The following FAM98A variants were observed in gnomAD, a reference collection of about 807,000 sequenced individuals.
The protein encoded by FAM98A is tRNA splicing ligase complex subunit 3A.
FAM98A carries 25 observed loss-of-function variants against 62.9 expected under a neutral mutation model. That is an observed-to-expected ratio of 0.40 (90% CI 0.29 to 0.56). The LOEUF (loss-of-function observed/expected upper bound fraction) is 0.56. FAM98A is among the 20% of genes least tolerant of loss of function. The probability of loss-of-function intolerance (pLI) is 0.51; values close to 1 mark genes in which losing one functional copy is unlikely to be tolerated. For synonymous variants in FAM98A, 252 were observed against 228.6 expected (o/e 1.10, Z -0.92); for missense variants, 653 against 640.7 (o/e 1.02, Z -0.21).
At position 33,588,407 on chromosome 2, in the gene FAM98A, A is replaced by G. The variant is rs1362745417; in HGVS notation, c.450T>C (p.Cys150=). The G allele has an allele frequency of 1.2e-6, 2 of 1,613,818 alleles. No individual in the cohort carries two copies. The highest frequency in any genetic ancestry group is 1.3e-5 in the African/African-American group (1 of 75,028). ...GAGGTTTGGACATTCCTAGAGCAATACATATGCCTTTCAACTCTTGAAAGA... is the reference window on the plus strand; with the variant it reads ...GAGGTTTGGACATTCCTAGAGCAATGCATATGCCTTTCAACTCTTGAAAGA... The part of the protein sequence containing the change: ...SEVFQELKGI[C]IALGMSKPPA... Residue 150 remains cysteine, a synonymous_variant, in exon 4 of 8, where the codon TGT becomes TGC. Transcript: ENST00000238823.
intron 4 of FAM98A, chr2:33,587,777 C>A: frequency 6.0e-6 from 1 of 167,122 alleles, no homozygotes; most frequent in South Asian, 1.4e-4. Context: ...GTTAAAATTG[C>A]TTGTTCCTAA....
intron 1 of FAM98A, among the ~76,000 whole-genome samples, chr2:33,596,516 A>G (rs1176218496): frequency 6.6e-6 from 1 of 152,238 alleles, no homozygotes. Flanking sequence ...TCTTAAATAC[A>G]TATTATTCAG....
At chr2:33,586,875 A>G (rs745826153) in intron 5 of FAM98A, 197 bp from the exon 6 acceptor site, 31 of 569,496 alleles carry the variant, frequency 5.4e-5, no homozygotes, top group Non-Finnish European at 7.8e-5. Flanking sequence ...CATAATGAAG[A>G]GTATGTGAAG....
chr2:33,585,203 T>C lies in FAM98A; in HGVS notation c.1130A>G (p.Asn377Ser), dbSNP rs772093703. 5.6e-6 allele frequency: 9 copies of C among 1,613,878 alleles called. No homozygotes were observed. The highest frequency in any genetic ancestry group is 5.5e-5 in the South Asian group (5 of 91,060). ...ATCTGTCCAGCCTCCTTGATGCTTA[T>C]TTCCTCTTCCTCCCCCTCGGCCACC... is the stretch of plus-strand genomic sequence containing the variant. ...DHGGRGGGRGNKHQGGWTDGG... is the reference protein window; with the variant it reads ...DHGGRGGGRGSKHQGGWTDGG... The change falls in exon 8 of 8, where the codon AAT (asparagine) becomes AGT (serine). Residue 377 changes from asparagine to serine, a missense_variant. Asn to Ser is a conservative substitution (Grantham distance 46, BLOSUM62 1). Coordinates refer to ENST00000238823, the MANE Select transcript of FAM98A (RefSeq NM_015475.5).
At position 33,588,409 on chromosome 2, in the gene FAM98A, A is replaced by G; in HGVS notation, c.448T>C (p.Cys150Arg). The G allele has an allele frequency of 6.2e-7, 1 of 1,613,796 alleles. No individual in the cohort carries two copies. Among genetic ancestry groups the G allele is most frequent in the Non-Finnish European group, 8.5e-7 (1 of 1,179,740 alleles). Residue 150 changes from cysteine (C) to arginine (R), a missense_variant, in exon 4 of 8, where the codon TGT (cysteine) becomes CGT (arginine). Coordinates refer to ENST00000238823, the MANE Select transcript of FAM98A (RefSeq NM_015475.5). Reference sequence around the variant, plus strand: ...GGTTTGGACATTCCTAGAGCAATACATATGCCTTTCAACTCTTGAAAGACC... The same window carrying G: ...GGTTTGGACATTCCTAGAGCAATACGTATGCCTTTCAACTCTTGAAAGACC... ...SEVFQELKGI[C>R]IALGMSKPPA...
At chr2:33,595,676 T>C in intron 1 of FAM98A, 39 bp from the exon 2 acceptor site, 1 of 1,494,728 alleles carries the variant, frequency 6.7e-7, no homozygotes, top group Admixed American at 2.3e-5. Flanking sequence ...GAAAATACAA[T>C]CATACCTAAT....
At chr2:33,594,816 G>C (rs922008001) in intron 2 of FAM98A, among the ~76,000 whole-genome samples, 2 of 152,062 alleles carry the variant, frequency 1.3e-5, no homozygotes, top group Non-Finnish European at 2.9e-5. Flanking sequence ...GGGTTAACAG[G>C]TGAGTATTTT....
At chr2:33,598,811 A>G (rs1295062532) in intron 1 of FAM98A, among the ~76,000 whole-genome samples, 4 of 152,086 alleles carry the variant, frequency 2.6e-5, no homozygotes, top group Non-Finnish European at 5.9e-5. Flanking sequence ...AACTTTGGCA[A>G]CCTTTAGAGT....
Position 33,592,189 on chromosome 2 carries a change from C to G in FAM98A, c.228G>C (p.Gln76His), listed in dbSNP as rs377286793. 16 of 1,612,308 alleles carry G rather than the reference C, an allele frequency of 9.9e-6. No homozygotes were observed. The highest frequency in any genetic ancestry group is 6.7e-5 in the East Asian group (3 of 44,868). The part of the protein sequence containing the change: ...TNSPSEAEEF[Q>H]LEVSGLLGEM... ...CCCCTAGTAGCCCACTCACCTCAAG[C>G]TGGAATTCTTCAGCTTCACTCGGAC... Residue 76 changes from glutamine (Q) to histidine (H), a missense_variant, in exon 3 of 8, where the codon CAG (glutamine) becomes CAC (histidine). By Grantham distance (24) the Gln-to-His change is conservative (BLOSUM62 0). Coordinates refer to ENST00000238823, the MANE Select transcript of FAM98A (RefSeq NM_015475.5).
chr2:33,597,369 A>G (rs1437470579), intron 1 of FAM98A, among the ~76,000 whole-genome samples: 1 of 152,182 alleles, frequency 6.6e-6, no homozygotes, highest in African/African-American at 2.4e-5. Flanking sequence ...TTTAATTCTA[A>G]TATTTCTCAG....
intron 5 of FAM98A, 106 bp downstream of exon 5, chr2:33,587,134 A>G: frequency 1.4e-6 from 1 of 711,268 alleles, no homozygotes; most frequent in Admixed American, 2.4e-5. Flanking sequence ...CTAGAAAACT[A>G]TGTATAAGAA....
intron 1 of FAM98A, 105 bp downstream of exon 1, chr2:33,599,064 C>T: frequency 3.2e-6 from 3 of 934,390 alleles, no homozygotes; most frequent in Non-Finnish European, 5.3e-6. Flanking sequence ...CCAGGAGCCA[C>T]GGGGTGCGGC....
chr2:33,585,756 C>T (rs1677534488), intron 6 of FAM98A, 59 bp from the exon 7 acceptor site: 2 of 1,478,418 alleles, frequency 1.4e-6, no homozygotes, highest in Non-Finnish European at 1.9e-6. Context: ...ATAAGAAACA[C>T]ATATTAAATA....
chr2:33,592,044 A>G lies in FAM98A; in HGVS notation c.337+36T>C, dbSNP rs1018264059. On this transcript the variant is annotated intron_variant, in intron 3 of 7. Coordinates refer to ENST00000238823, the MANE Select transcript of FAM98A (RefSeq NM_015475.5). ...TATTAGTCATGGAAAACATAAACAG[A>G]AAGTAATAGCTATATTCTAGTAGCC... 53 of 1,568,960 alleles carry G rather than the reference A, an allele frequency of 3.4e-5. No homozygotes were observed. The Admixed American group carries it at 9.6e-4, about 28-fold the overall frequency.
chr2:33,585,692 C>G lies in FAM98A; in HGVS notation c.726G>C (p.Gln242His). Reference sequence around the variant, plus strand: ...GGTAAACCTTGGCTAATTTTTCTGTCTGGCTCTGTTGAAAGAAAAGTGTTC... The same window carrying G: ...GGTAAACCTTGGCTAATTTTTCTGTGTGGCTCTGTTGAAAGAAAAGTGTTC... Reference protein sequence around the residue: ...SFGWSDRAKSQTEKLAKVYQP... With the variant: ...SFGWSDRAKSHTEKLAKVYQP... Residue 242 changes from glutamine to histidine, a missense_variant, in exon 7 of 8, where the codon CAG (glutamine) becomes CAC (histidine). Gln to His is a conservative substitution (Grantham distance 24). Coordinates refer to ENST00000238823, the MANE Select transcript of FAM98A (RefSeq NM_015475.5). 1 of 1,611,664 alleles carries G rather than the reference C, an allele frequency of 6.2e-7. No individual in the cohort carries two copies. The highest frequency in any genetic ancestry group is 8.5e-7 in the Non-Finnish European group (1 of 1,179,022).
At chr2:33,592,260 T>C (rs1677688255) in intron 2 of FAM98A, 46 bp from the exon 3 acceptor site, 2 of 1,417,770 alleles carry the variant, frequency 1.4e-6, no homozygotes, top group Non-Finnish European at 2.0e-6. Context: ...TGATTATTTT[T>C]CCATTAGCAT....
rs183544797 is a variant in FAM98A, at chr2:33,599,171, T to C, written c.51A>G (p.Leu17=). ...GACCCGTGCCCTGACAATCTTACCC[T>C]AGATCTTCCAACGACTCCAAGATGT... ...ETDILESLED[L]GYKGPLLEDG... Residue 17 remains leucine, a splice_region_variant and synonymous_variant, in exon 1 of 8, where the codon CTA becomes CTG. Coordinates refer to ENST00000238823, the MANE Select transcript of FAM98A (RefSeq NM_015475.5). 6.6e-4 allele frequency: 1,070 copies of C among 1,613,366 alleles called. 12 individuals are homozygous for C. The Middle Eastern group carries it at 8.9e-3, about 13-fold the overall frequency.
At position 33,592,192 on chromosome 2, in the gene FAM98A, G is replaced by C. The variant is rs1677686989; in HGVS notation, c.225C>G (p.Phe75Leu). The C allele has an allele frequency of 1.2e-6, 2 of 1,611,146 alleles. No individual in the cohort carries two copies. Among genetic ancestry groups the C allele is most frequent in the Non-Finnish European group, 1.7e-6 (2 of 1,178,062 alleles). ...ATNSPSEAEE[F>L]QLEVSGLLGE... ...CTAGTAGCCCACTCACCTCAAGCTG[G>C]AATTCTTCAGCTTCACTCGGACCTT... Residue 75 changes from phenylalanine (F) to leucine (L), a missense_variant, in exon 3 of 8, where the codon TTC becomes TTG. Coordinates refer to ENST00000238823, the MANE Select transcript of FAM98A (RefSeq NM_015475.5).
chr2:33,587,206 T>C lies in FAM98A; in HGVS notation c.603+34A>G, dbSNP rs531739698. On this transcript the variant is annotated intron_variant, in intron 5 of 7. Transcript: ENST00000238823. Reference sequence around the variant, plus strand: ...ATGAAAATCATAAACTCTATAGTTCTTTACAAAGTTTACTCAAGATGATTA... The same window carrying C: ...ATGAAAATCATAAACTCTATAGTTCCTTACAAAGTTTACTCAAGATGATTA... 5.5e-5 allele frequency: 72 copies of C among 1,311,748 alleles called. No individual in the cohort carries two copies. The South Asian group carries it at 7.9e-4, about 14-fold the overall frequency. The allele number at this position is 1,311,748 out of a possible 1,614,324, so 81.3% of individuals were successfully genotyped here. A position where few individuals can be genotyped will look rare whatever the true frequency, so the allele number is the denominator to read the frequency against.
Sources: allele counts gnomAD v4.1 joint callset (sites outside exome capture counted in the v4.1 genomes callset), GRCh38; gene constraint gnomAD v4.1.1; transcripts MANE v1.5; gene names NCBI Gene and HGNC (gene_info 2026-07-23, HGNC 2026-07-21).